Variants in HMBOX1 observed in about 807,000 individuals in gnomAD.
HMBOX1 encodes the protein homeobox-containing protein 1.
A neutral mutation model predicts 54.5 loss-of-function variants in HMBOX1; 14 were observed. The observed-to-expected ratio is 0.26, with a 90% CI of 0.17 to 0.40. The LOEUF (loss-of-function observed/expected upper bound fraction) is 0.40. Among genes scored for constraint, HMBOX1 ranks in the 10% least tolerant of loss-of-function variants. HMBOX1 has a pLI of 1.00. For missense variants in HMBOX1, 332 were observed against 514.4 expected, an observed-to-expected ratio of 0.65 and a Z score of 3.43; for synonymous variants, 160 against 181.0, an observed-to-expected ratio of 0.88 and a Z score of 0.93.
chr8:28,914,145 G>A (rs370393296), intron 1 of HMBOX1, among the ~76,000 whole-genome samples: 5 of 152,126 alleles, frequency 3.3e-5, no homozygotes, highest in Admixed American at 1.3e-4. Context: ...TGGGATTACA[G>A]GCGTGAGCTA....
intron 5 of HMBOX1, chr8:29,009,453 A>C: frequency 1.0e-6 from 1 of 980,786 alleles, no homozygotes; most frequent in South Asian, 4.8e-5. Context: ...ATAGTTTGAA[A>C]GAACGCTATG....
chr8:29,017,863 A>G (rs1222421221), intron 5 of HMBOX1, among the ~76,000 whole-genome samples: 2 of 152,222 alleles, frequency 1.3e-5, no homozygotes, highest in Admixed American at 6.5e-5. Context: ...GGAAGAAATA[A>G]ATATTAATAT....
chr8:28,998,629 AAATTT>A (rs1832198969), intron 4 of HMBOX1, among the ~76,000 whole-genome samples: 1 of 152,052 alleles, frequency 6.6e-6, no homozygotes, highest in African/African-American at 2.4e-5. Flanking sequence ...TAATCTATTT[AAATTT>A]AATTTAATTA....
chr8:28,951,144 A>AT (rs1823344571), intron 1 of HMBOX1, among the ~76,000 whole-genome samples: 1 of 152,278 alleles, frequency 6.6e-6, no homozygotes, highest in African/African-American at 2.4e-5. Flanking sequence ...TATTTTATTT[A>AT]TGTTTTTTGA....
At chr8:28,923,173 C>T (rs577974542) in intron 1 of HMBOX1, among the ~76,000 whole-genome samples, 1 of 152,194 alleles carries the variant, frequency 6.6e-6, no homozygotes, top group East Asian at 1.9e-4. Context: ...TAAGCAGTCA[C>T]TCCTAATTCT....
chr8:28,934,820 G>C (rs755558472), intron 1 of HMBOX1, among the ~76,000 whole-genome samples: 1 of 152,036 alleles, frequency 6.6e-6, no homozygotes, highest in Admixed American at 6.5e-5. Flanking sequence ...CCAGCTACTC[G>C]GAAGGTTGAG....
chr8:29,042,392 T>C (rs1222904232), intron 6 of HMBOX1, among the ~76,000 whole-genome samples: 3 of 152,198 alleles, frequency 2.0e-5, no homozygotes, highest in East Asian at 3.8e-4. Context: ...TTAACTCATA[T>C]TAAATAATCT....
In HMBOX1 at chr8:28,925,558, GT is replaced by G. The variant is rs1314338702; in HGVS notation, c.-58+34885del. Among the ~76,000 whole-genome samples the G allele has an allele frequency of 4.6e-5, 7 of 151,984 alleles. No individual in the cohort carries two copies. In the East Asian group the frequency reaches 1.3e-3, roughly 29 times the overall value. On this transcript the variant is annotated intron_variant, in intron 1 of 9. Coordinates refer to ENST00000287701, the MANE Select transcript of HMBOX1 (RefSeq NM_001135726.3). ...TCTATAGTTGAAAATAAGATGTGTT[GT>G]TTTTAGTAAAGCACTGCAGGTAAAC... is the stretch of plus-strand genomic sequence containing the variant.
chr8:29,014,437 C>A (rs1217729512), intron 5 of HMBOX1, among the ~76,000 whole-genome samples: 1 of 152,144 alleles, frequency 6.6e-6, no homozygotes, highest in Non-Finnish European at 1.5e-5. Context: ...TTTGAACTCG[C>A]TCTTGCTTTT....
At chr8:28,994,670 A>G (rs1299997206) in intron 4 of HMBOX1, among the ~76,000 whole-genome samples, 1 of 152,212 alleles carries the variant, frequency 6.6e-6, no homozygotes, top group African/African-American at 2.4e-5. Context: ...TACTGTAAAC[A>G]AGATTCACAT....
chr8:28,945,858 A>T (rs1184935876), intron 1 of HMBOX1, among the ~76,000 whole-genome samples: 1 of 151,804 alleles, frequency 6.6e-6, no homozygotes, highest in African/African-American at 2.4e-5. Flanking sequence ...CACATACCGT[A>T]CAATTTACCC....
chr8:29,032,769 A>C (rs1054854523), intron 6 of HMBOX1, among the ~76,000 whole-genome samples: 1 of 152,196 alleles, frequency 6.6e-6, no homozygotes, highest in Non-Finnish European at 1.5e-5. Flanking sequence ...ACTTGATTGA[A>C]TATTTAAGAA....
intron 4 of HMBOX1, among the ~76,000 whole-genome samples, chr8:29,002,166 T>C (rs1452776739): frequency 6.6e-6 from 1 of 152,202 alleles, no homozygotes; most frequent in African/African-American, 2.4e-5. Flanking sequence ...GAAGACCCTC[T>C]TCCAAGATGA....
intron 1 of HMBOX1, among the ~76,000 whole-genome samples, chr8:28,905,123 C>A (rs981801960): frequency 4.6e-5 from 7 of 152,134 alleles, no homozygotes; most frequent in African/African-American, 1.2e-4. Flanking sequence ...GCATCCTTGT[C>A]AGTTTGTTTT....
intron 1 of HMBOX1, among the ~76,000 whole-genome samples, chr8:28,952,920 A>G (rs1225924691): frequency 2.0e-5 from 3 of 152,214 alleles, no homozygotes; most frequent in South Asian, 2.1e-4. Context: ...AGAAATGATA[A>G]CAAAGAGTAT....
At chr8:28,955,167 A>G (rs1408499122) in intron 1 of HMBOX1, among the ~76,000 whole-genome samples, 2 of 152,088 alleles carry the variant, frequency 1.3e-5, no homozygotes, top group African/African-American at 4.8e-5. Flanking sequence ...TATTTGTTAC[A>G]TGTATATATG....
chr8:28,987,831 T>C (rs979857903), intron 4 of HMBOX1, among the ~76,000 whole-genome samples: 2 of 152,220 alleles, frequency 1.3e-5, no homozygotes, highest in African/African-American at 4.8e-5. Context: ...AAGAAAACTT[T>C]TAATGTCAGA....
At chr8:28,995,842 C>T (rs1257028271) in intron 4 of HMBOX1, among the ~76,000 whole-genome samples, 2 of 152,170 alleles carry the variant, frequency 1.3e-5, no homozygotes, top group East Asian at 3.8e-4. Flanking sequence ...GTGGCTCACG[C>T]CTGTAATCCC....
intron 1 of HMBOX1, among the ~76,000 whole-genome samples, chr8:28,934,281 T>G (rs537686626): frequency 6.6e-6 from 1 of 152,194 alleles, no homozygotes; most frequent in East Asian, 1.9e-4. Flanking sequence ...AAACCAAAAC[T>G]TAACAAACTA....
Sources: gnomAD v4.1 joint callset for allele counts (sites outside exome capture counted in the v4.1 genomes callset) on GRCh38, gnomAD v4.1.1 for gene constraint, MANE v1.5 for transcripts, NCBI Gene and HGNC (gene_info 2026-07-23, HGNC 2026-07-21) for gene names.